ZNF366: variants seen among roughly 807,000 people sequenced by gnomAD.
ZNF366 encodes zinc finger protein 366, also known as dendritic cell-specific transcript protein.
ZNF366 carries 20 observed loss-of-function variants against 47.2 expected under a neutral mutation model. The observed-to-expected ratio is 0.42, with a 90% CI of 0.30 to 0.62. The LOEUF is 0.62. Among genes scored for constraint, ZNF366 ranks in the 20% least tolerant of loss-of-function variants. The pLI is 0.16. For missense variants in ZNF366, 987 were observed against 976.3 expected (o/e 1.01, Z -0.15); for synonymous variants, 421 against 395.1 (o/e 1.07, Z -0.78).
chr5:72,488,827 AT>A (rs1266178195), intron 1 of ZNF366, among the ~76,000 whole-genome samples: 1 of 152,276 alleles, frequency 6.6e-6, no homozygotes, highest in Non-Finnish European at 1.5e-5. Context: ...AGAAGCTGAC[AT>A]CACAAAACCT....
intron 3 of ZNF366, among the ~76,000 whole-genome samples, chr5:72,449,585 C>T (rs10942300): frequency 0.82 from 124,294 of 152,230 alleles, 51,245 homozygotes; most frequent in East Asian, 0.96. Context: ...TTTCCAGTCA[C>T]GGGTCATTTT....
chr5:72,448,415 C>T (rs10060299), intron 3 of ZNF366, among the ~76,000 whole-genome samples: 124,262 of 152,228 alleles, frequency 0.82, 51,224 homozygotes, highest in East Asian at 0.96. Flanking sequence ...ATGCAGAAAG[C>T]GCAACCCAGA....
At chr5:72,473,391 C>A (rs1040458586) in intron 1 of ZNF366, among the ~76,000 whole-genome samples, 1 of 152,126 alleles carries the variant, frequency 6.6e-6, no homozygotes, top group Non-Finnish European at 1.5e-5. Context: ...TGGCTTGCAG[C>A]GAAACACAAT....
intron 3 of ZNF366, among the ~76,000 whole-genome samples, chr5:72,448,950 TAGCATGAATG>T (rs1381839310): frequency 6.6e-6 from 1 of 152,164 alleles, no homozygotes; most frequent in Non-Finnish European, 1.5e-5. Flanking sequence ...TCTCTCTTAC[TAGCATGAATG>T]AATTTGGCCT....
intron 1 of ZNF366, among the ~76,000 whole-genome samples, chr5:72,467,618 C>T (rs1471761335): frequency 1.3e-5 from 2 of 152,194 alleles, no homozygotes; most frequent in Non-Finnish European, 2.9e-5. Flanking sequence ...GCCAGCATGC[C>T]AGGGGCAAAT....
intron 1 of ZNF366, among the ~76,000 whole-genome samples, chr5:72,481,647 C>T (rs527736596): frequency 3.3e-4 from 50 of 152,278 alleles, no homozygotes; most frequent in Non-Finnish European, 6.3e-4. Context: ...TTACTCATTT[C>T]TATAAATGTA....
At chr5:72,489,642 G>A (rs181204480) in intron 1 of ZNF366, among the ~76,000 whole-genome samples, 2 of 152,312 alleles carry the variant, frequency 1.3e-5, no homozygotes, top group Admixed American at 6.5e-5. Context: ...CCTTCAGAAA[G>A]TTGTTTTCAA....
At chr5:72,504,806 T>G (rs1383643809) in intron 1 of ZNF366, among the ~76,000 whole-genome samples, 2 of 152,194 alleles carry the variant, frequency 1.3e-5, no homozygotes, top group African/African-American at 4.8e-5. Context: ...TTGCCAAACA[T>G]TATGTTAAGT....
chr5:72,460,762 G>T lies in ZNF366; in HGVS notation c.735C>A (p.Asp245Glu). The T allele has an allele frequency of 1.2e-6, 2 of 1,614,198 alleles. No homozygotes were observed. The highest frequency in any genetic ancestry group is 1.7e-6 in the Non-Finnish European group (2 of 1,180,044). Reference protein sequence around the residue: ...NVQIDDSYYVDVGGSQKRWQC... With the variant: ...NVQIDDSYYVEVGGSQKRWQC... ...GCCAGCGCTTCTGCGAGCCGCCCACGTCCACGTAGTAGCTGTCATCGATCT... is the reference window on the plus strand; with the variant it reads ...GCCAGCGCTTCTGCGAGCCGCCCACTTCCACGTAGTAGCTGTCATCGATCT... Residue 245 changes from aspartate to glutamate, a missense_variant, in exon 2 of 5, where the codon GAC becomes GAA. Physicochemically the swap from Asp to Glu is conservative, Grantham distance 45. Transcript: ENST00000318442.
intron 1 of ZNF366, among the ~76,000 whole-genome samples, chr5:72,497,880 T>C (rs1744143639): frequency 6.6e-6 from 1 of 152,224 alleles, no homozygotes; most frequent in South Asian, 2.1e-4. Flanking sequence ...TTTGTGCATG[T>C]TTATAAGCCA....
At chr5:72,505,682 T>C (rs370523664) in intron 1 of ZNF366, among the ~76,000 whole-genome samples, 1 of 152,236 alleles carries the variant, frequency 6.6e-6, no homozygotes, top group African/African-American at 2.4e-5. Context: ...GAAATGAAAC[T>C]GAAAGGAGCA....
At chr5:72,503,583 C>T (rs1744259239) in intron 1 of ZNF366, among the ~76,000 whole-genome samples, 1 of 151,828 alleles carries the variant, frequency 6.6e-6, no homozygotes, top group East Asian at 2.0e-4. Flanking sequence ...ACTTATTTAT[C>T]CCATTTTGTC....
At chr5:72,473,370 T>G (rs1237620239) in intron 1 of ZNF366, among the ~76,000 whole-genome samples, 1 of 152,210 alleles carries the variant, frequency 6.6e-6, no homozygotes, top group Non-Finnish European at 1.5e-5. Context: ...GAAAATGTAT[T>G]CAGAGTTCTG....
intron 1 of ZNF366, among the ~76,000 whole-genome samples, chr5:72,504,386 A>G (rs150129071): frequency 2.0e-5 from 3 of 152,302 alleles, no homozygotes; most frequent in East Asian, 1.9e-4. Context: ...GGAGAATAAA[A>G]TGTCCACAAT....
chr5:72,476,980 T>C (rs894747933), intron 1 of ZNF366, among the ~76,000 whole-genome samples: 38 of 152,224 alleles, frequency 2.5e-4, no homozygotes, highest in African/African-American at 9.2e-4. Flanking sequence ...CATATGCTGG[T>C]TGGACTTCAG....
chr5:72,451,895 G>A (rs942925464), intron 3 of ZNF366, among the ~76,000 whole-genome samples: 5 of 152,186 alleles, frequency 3.3e-5, no homozygotes, highest in African/African-American at 4.8e-5. Context: ...TCCTCGTCCC[G>A]GCCTCCTGGC....
intron 1 of ZNF366, among the ~76,000 whole-genome samples, chr5:72,494,744 G>A (rs1744078644): frequency 6.6e-6 from 1 of 152,006 alleles, no homozygotes; most frequent in African/African-American, 2.4e-5. Context: ...GGGAAACAGG[G>A]GCGTGCACAT....
chr5:72,466,954 A>G (rs1264444313), intron 1 of ZNF366, among the ~76,000 whole-genome samples: 1 of 152,244 alleles, frequency 6.6e-6, no homozygotes, highest in Admixed American at 6.5e-5. Flanking sequence ...TCTGCAACCC[A>G]GCCAGAAAAC....
At chr5:72,492,533 G>C (rs1439683302) in intron 1 of ZNF366, among the ~76,000 whole-genome samples, 2 of 152,138 alleles carry the variant, frequency 1.3e-5, no homozygotes, top group Non-Finnish European at 2.9e-5. Context: ...TGAAACTCAG[G>C]ACAGCTCATC....
Sources: allele counts gnomAD v4.1 joint callset (sites outside exome capture counted in the v4.1 genomes callset), GRCh38; gene constraint gnomAD v4.1.1; transcripts MANE v1.5; gene names NCBI Gene and HGNC (gene_info 2026-07-23, HGNC 2026-07-21).